The following UBE2O variants were observed in gnomAD, a reference collection of about 807,000 sequenced individuals.
UBE2O encodes the protein (E3-independent) E2 ubiquitin-conjugating enzyme.
A neutral mutation model predicts 125.8 loss-of-function variants in UBE2O; 15 were observed. The observed-to-expected ratio is 0.12, with a 90% CI of 0.08 to 0.18. UBE2O has a LOEUF of 0.18. Ranked by LOEUF, UBE2O falls within the 10% of genes least tolerant of loss-of-function variation. UBE2O has a pLI of 1.00. For missense variants in UBE2O, 1,280 were observed against 1,723.6 expected (o/e 0.74, Z 4.56); for synonymous variants, 708 against 703.2 (o/e 1.01, Z -0.11).
chr17:76,404,357 C>T lies in UBE2O; in HGVS notation c.588+849G>A, dbSNP rs543557202. ...TACCATGAACCAGGGCAGAGCTCTG[C>T]GGCGGGCCTGCCAAGAACACGTGGG... On this transcript the variant is annotated intron_variant, in intron 3 of 17. Coordinates refer to ENST00000319380, the MANE Select transcript of UBE2O (RefSeq NM_022066.4). The surrounding 1 kb of genome is among the most constrained non-coding windows in gnomAD (Gnocchi z 4.3). 2.6e-5 allele frequency among the ~76,000 whole-genome samples: 4 copies of T among 152,174 alleles called. No homozygotes were observed. Among genetic ancestry groups the T allele is most frequent in the African/African-American group, 7.2e-5 (3 of 41,444 alleles).
chr17:76,402,844 C>T lies in UBE2O; in HGVS notation c.589-145G>A, dbSNP rs2072352648. The T allele has an allele frequency of 1.5e-6, 1 of 658,612 alleles. No homozygotes were observed. The highest frequency in any genetic ancestry group is 2.7e-6 in the Non-Finnish European group (1 of 370,528). The allele number at this position is 658,612 out of a possible 1,614,324, so 40.8% of individuals were successfully genotyped here. A position where few individuals can be genotyped will look rare whatever the true frequency, so the allele number is the denominator to read the frequency against. Reference sequence around the variant, plus strand: ...GGACCGGTTGGCTACTAGCCCTAAACAGCTGCTGCAGCAGGCCCTCCCTAC... The same window carrying T: ...GGACCGGTTGGCTACTAGCCCTAAATAGCTGCTGCAGCAGGCCCTCCCTAC... On this transcript the variant is annotated intron_variant, in intron 3 of 17. Coordinates refer to ENST00000319380, the MANE Select transcript of UBE2O (RefSeq NM_022066.4). This position sits in a 1 kb window ranked among gnomAD's most constrained non-coding sequence, Gnocchi z 5.4.
chr17:76,398,970 G>A lies in UBE2O; in HGVS notation c.1650C>T (p.Thr550=). 5 of 1,613,944 alleles carry A rather than the reference G, an allele frequency of 3.1e-6. No individual in the cohort carries two copies. Among genetic ancestry groups the A allele is most frequent in the Non-Finnish European group, 4.2e-6 (5 of 1,179,990 alleles). ...ACATCACGTCGGCTGAGGTCATCGTGGTCACCACCTCCACTGCCACCCTGC... is the reference window on the plus strand; with the variant it reads ...ACATCACGTCGGCTGAGGTCATCGTAGTCACCACCTCCACTGCCACCCTGC... ...PGDRVAVEVV[T]TMTSADVMWQ... is the part of the protein sequence containing the mutation. Residue 550 remains threonine (T), a synonymous_variant, in exon 10 of 18, where the codon ACC becomes ACT. Transcript: ENST00000319380. This position sits in a 1 kb window ranked among gnomAD's most constrained non-coding sequence, Gnocchi z 5.4.
In UBE2O at chr17:76,402,090, C is replaced by T. The variant is rs746540983; in HGVS notation, c.724G>A (p.Asp242Asn). ...GAGTCGCTGACGTGCGGGCAGACGT[C>T]GTAGAGCTTGGCGCCATCTTCCGTG... ...MNTEDGAKLY[D>N]VCPHVSDSGL... The change falls in exon 5 of 18, where the codon GAC becomes AAC. Residue 242 changes from aspartate (D) to asparagine (N), a missense_variant. Physicochemically the swap from Asp to Asn is conservative, Grantham distance 23 (BLOSUM62 1). Around this residue, in one of 10 missense-constraint regions of UBE2O, gnomAD observed 206 missense variants for 315.7 expected, o/e 0.65. Transcript: ENST00000319380. This position sits in a 1 kb window ranked among gnomAD's most constrained non-coding sequence, Gnocchi z 5.4. 4.7e-5 allele frequency: 76 copies of T among 1,613,634 alleles called. No individual in the cohort carries two copies. The East Asian group carries it at 1.6e-3, about 33-fold the overall frequency.
chr17:76,413,755 A>G (rs534201143), intron 1 of UBE2O, among the ~76,000 whole-genome samples: 29 of 152,266 alleles, frequency 1.9e-4, no homozygotes, highest in African/African-American at 7.0e-4. Flanking sequence ...TCTTGGAACC[A>G]AAAAACATGC....
Position 76,453,028 on chromosome 17 carries a change from G to GGGCGCC in UBE2O, c.108_113dup (p.Pro38_Ala39dup), listed in dbSNP as rs1178553306. 1.2e-5 allele frequency: 17 copies of GGGCGCC among 1,439,280 alleles called. No individual in the cohort carries two copies. The highest frequency in any genetic ancestry group is 1.5e-5 in the African/African-American group (1 of 66,536). The allele number at this position is 1,439,280 out of a possible 1,614,324, so 89.2% of individuals were successfully genotyped here. ...ACGGCCCGGAGGCCGAGTCCGAGGCGGGCGCCGGCGCCGGGACGGGGGCTG... is the reference window on the plus strand; with the variant it reads ...ACGGCCCGGAGGCCGAGTCCGAGGCGGGCGCCGGCGCCGGCGCCGGGACGGGGGCTG... On this transcript the variant is annotated inframe_insertion, in exon 1 of 18. Transcript: ENST00000319380.
Position 76,450,706 on chromosome 17 carries a change from C to T in UBE2O, c.417+2019G>A, listed in dbSNP as rs746429059. On this transcript the variant is annotated intron_variant, in intron 1 of 17. Coordinates refer to ENST00000319380, the MANE Select transcript of UBE2O (RefSeq NM_022066.4). ...GTGCCATCTCAGCTCACCGCAACCT[C>T]CGCCTCCCTGGTTCAAGCAATTCTC... 9.9e-5 allele frequency among the ~76,000 whole-genome samples: 15 copies of T among 152,244 alleles called. No individual in the cohort carries two copies. The South Asian group carries it at 1.9e-3, about 19-fold the overall frequency.
rs149783036 is a variant in UBE2O at position 76,399,542 on chromosome 17, C to A, written c.1535G>T (p.Arg512Leu). The A allele has an allele frequency of 6.2e-7, 1 of 1,614,094 alleles. No homozygotes were observed. The highest frequency in any genetic ancestry group is 8.5e-7 in the Non-Finnish European group (1 of 1,180,014). Residue 512 changes from arginine (R) to leucine (L), a missense_variant, in exon 9 of 18, where the codon CGC (arginine) becomes CTC (leucine). Arg to Leu is a moderately radical substitution (Grantham distance 102). Coordinates refer to ENST00000319380, the MANE Select transcript of UBE2O (RefSeq NM_022066.4). This position sits in a 1 kb window ranked among gnomAD's most constrained non-coding sequence, Gnocchi z 6.9. ...GATGGACAAGGGGATGCTCTTTTTGCGACTCGTGCCGCTGCCGCTCTGGGA... is the reference window on the plus strand; with the variant it reads ...GATGGACAAGGGGATGCTCTTTTTGAGACTCGTGCCGCTGCCGCTCTGGGA... ...TSSQSGSGTS[R>L]KKSIPLSIKN...
chr17:76,395,127 C>T lies in UBE2O; in HGVS notation c.2946+598G>A, dbSNP rs551609455. On this transcript the variant is annotated intron_variant, in intron 15 of 17. Coordinates refer to ENST00000319380, the MANE Select transcript of UBE2O (RefSeq NM_022066.4). The surrounding 1 kb of genome is among the most constrained non-coding windows in gnomAD (Gnocchi z 5.0). ...CTGACCTCAGGTGATCCACCTGCCT[C>T]GGCTTCCCGAAGTGCTGGGATTACA... 9.3e-4 allele frequency among the ~76,000 whole-genome samples: 142 copies of T among 152,170 alleles called. 1 individual carries two copies. Among genetic ancestry groups the T allele is most frequent in the African/African-American group, 3.2e-3 (132 of 41,500 alleles).
rs61392902 is a variant in UBE2O, at chr17:76,433,665, T to G, written c.417+19060A>C. ...TTGAACCCAGGAGGTGGAGTGAGTATTGCGCCACTGCATTCCAGCCTGGGT... is the reference window on the plus strand; with the variant it reads ...TTGAACCCAGGAGGTGGAGTGAGTAGTGCGCCACTGCATTCCAGCCTGGGT... On this transcript the variant is annotated intron_variant, in intron 1 of 17. Coordinates refer to ENST00000319380, the MANE Select transcript of UBE2O (RefSeq NM_022066.4). Among the ~76,000 whole-genome samples the G allele has an allele frequency of 9.0e-3, 1,354 of 151,202 alleles. 17 individuals carry two copies. The highest frequency in any genetic ancestry group is 0.031 in the African/African-American group (1,270 of 41,084).
rs2073262054 is a variant in UBE2O, at chr17:76,452,300, C to G, written c.417+425G>C. ...TTGTTTTGGAATGCCCACAACCCCTCCCTGCACGGACCCGGCACGGCCTTC... is the reference window on the plus strand; with the variant it reads ...TTGTTTTGGAATGCCCACAACCCCTGCCTGCACGGACCCGGCACGGCCTTC... On this transcript the variant is annotated intron_variant, in intron 1 of 17. Transcript: ENST00000319380. The surrounding 1 kb of genome is among the most constrained non-coding windows in gnomAD (Gnocchi z 4.4). Among the ~76,000 whole-genome samples, 1 of 152,188 alleles carries G rather than the reference C, an allele frequency of 6.6e-6. No homozygotes were observed. Among genetic ancestry groups the G allele is most frequent in the Non-Finnish European group, 1.5e-5 (1 of 68,042 alleles).
intron 1 of UBE2O, among the ~76,000 whole-genome samples, chr17:76,435,365 T>G (rs2072973370): frequency 6.6e-6 from 1 of 151,912 alleles, no homozygotes; most frequent in Non-Finnish European, 1.5e-5. Context: ...TTGAATGTTG[T>G]GATATTTGCA....
chr17:76,435,417 T>TACACACACACACACACAC (rs59781051), intron 1 of UBE2O, among the ~76,000 whole-genome samples: 17 of 96,436 alleles, frequency 1.8e-4, no homozygotes, highest in Admixed American at 9.0e-4. Flanking sequence ...CACACACACA[T>TACACACACACACACACAC]ACACACACAC....
chr17:76,437,352 A>G (rs1297621386), intron 1 of UBE2O, among the ~76,000 whole-genome samples: 1 of 150,590 alleles, frequency 6.6e-6, no homozygotes, highest in Non-Finnish European at 1.5e-5. Context: ...CAGGAGCCTG[A>G]GGCAGGAGAA....
Position 76,399,712 on chromosome 17 carries a change from C to A in UBE2O, c.1365G>T (p.Glu455Asp). Residue 455 changes from glutamate (E) to aspartate (D), a missense_variant, in exon 9 of 18, where the codon GAG becomes GAT. Glu to Asp is a conservative substitution (Grantham distance 45, BLOSUM62 2). Coordinates refer to ENST00000319380, the MANE Select transcript of UBE2O (RefSeq NM_022066.4). This position sits in a 1 kb window ranked among gnomAD's most constrained non-coding sequence, Gnocchi z 6.9. ...GGAATGGGGGCAGCTGCTCTCCTGCCTCGTGGGGCTCCTCTGCACCCTCGT... is the reference window on the plus strand; with the variant it reads ...GGAATGGGGGCAGCTGCTCTCCTGCATCGTGGGGCTCCTCTGCACCCTCGT... ...MQDEGAEEPH[E>D]AGEQLPPFLL... 6.2e-7 allele frequency: 1 copy of A among 1,614,172 alleles called. No individual in the cohort carries two copies. Among genetic ancestry groups the A allele is most frequent in the Non-Finnish European group, 8.5e-7 (1 of 1,180,036 alleles).
rs1472154524 is a variant in UBE2O, at chr17:76,395,806, G to A, written c.2865C>T (p.Phe955=). 1 of 1,614,244 alleles carries A rather than the reference G, an allele frequency of 6.2e-7. No individual in the cohort carries two copies. The highest frequency in any genetic ancestry group is 1.7e-5 in the Admixed American group (1 of 60,020). Residue 955 remains phenylalanine (F), a synonymous_variant, in exon 15 of 18, where the codon TTC becomes TTT. Coordinates refer to ENST00000319380, the MANE Select transcript of UBE2O (RefSeq NM_022066.4). The surrounding 1 kb of genome is among the most constrained non-coding windows in gnomAD (Gnocchi z 5.0). The part of the protein sequence containing the change: ...EFQPPEAKKF[F]STVRKEMALL... Reference sequence around the variant, plus strand: ...GCGCCATCTCCTTCCGCACTGTGCTGAAGAACTTCTTGGCTTCTGGAGGCT... The same window carrying A: ...GCGCCATCTCCTTCCGCACTGTGCTAAAGAACTTCTTGGCTTCTGGAGGCT...
At chr17:76,449,567 T>C (rs747414784) in intron 1 of UBE2O, among the ~76,000 whole-genome samples, 12 of 148,848 alleles carry the variant, frequency 8.1e-5, no homozygotes, top group Admixed American at 1.3e-4. Context: ...AGAGAGAGAC[T>C]CTGTTTAAAA....
At chr17:76,424,539 G>A (rs1166826366) in intron 1 of UBE2O, among the ~76,000 whole-genome samples, 1 of 152,014 alleles carries the variant, frequency 6.6e-6, no homozygotes, top group Non-Finnish European at 1.5e-5. Context: ...GTTACATTCT[G>A]AAATGGTATC....
rs1218466967 is a variant in UBE2O, at chr17:76,395,875, G to A, written c.2810-14C>T. ...AAGAATGATTTGCTAGAGGGGGGAA[G>A]AGAATAGTCAGTCCCTCATGGAGAG... On this transcript the variant is annotated splice_polypyrimidine_tract_variant and intron_variant, in intron 14 of 17. Transcript: ENST00000319380. The surrounding 1 kb of genome is among the most constrained non-coding windows in gnomAD (Gnocchi z 5.0). 11 of 1,614,042 alleles carry A rather than the reference G, an allele frequency of 6.8e-6. No homozygotes were observed. The East Asian group carries it at 8.9e-5, about 13-fold the overall frequency.
chr17:76,440,798 G>A (rs1263719990), intron 1 of UBE2O, among the ~76,000 whole-genome samples: 1 of 152,212 alleles, frequency 6.6e-6, no homozygotes, highest in African/African-American at 2.4e-5. Flanking sequence ...GCCTCTGAAT[G>A]CTTTTGTGCT....
Sources: allele counts gnomAD v4.1 joint callset (sites outside exome capture counted in the v4.1 genomes callset), GRCh38; gene constraint gnomAD v4.1.1; regional missense constraint gnomAD v4.1.1; non-coding constraint Gnocchi (gnomAD v3.1); transcripts MANE v1.5; gene names NCBI Gene and HGNC (gene_info 2026-07-23, HGNC 2026-07-21).